The following IMPA1 variants were observed in gnomAD, a reference collection of about 807,000 sequenced individuals.
IMPA1 encodes the protein D-galactose 1-phosphate phosphatase.
In IMPA1, 21 loss-of-function variants were observed where a neutral mutation model predicts 34.9. The ratio of observed to expected loss-of-function variants is 0.60; its 90% CI spans 0.43 to 0.87. The LOEUF is 0.87. IMPA1 is among the 40% of genes least tolerant of loss of function. The pLI is 0.00. For synonymous variants in IMPA1, 95 were observed against 104.4 expected (o/e 0.91, Z 0.55); for missense variants, 299 against 336.4 (o/e 0.89, Z 0.87).
At chr8:81,664,240 T>A (rs1806756871) in intron 7 of IMPA1, among the ~76,000 whole-genome samples, 1 of 152,030 alleles carries the variant, frequency 6.6e-6, no homozygotes, top group African/African-American at 2.4e-5. Context: ...ATTTTGAAAC[T>A]CCCTGTATAC....
chr8:81,685,805 T>A, intron 1 of IMPA1: 1 of 1,545,170 alleles, frequency 6.5e-7, no homozygotes, highest in Non-Finnish European at 8.7e-7. Flanking sequence ...TGTTTCCTGC[T>A]GTTTCTGTCC....
At chr8:81,675,081 C>A (rs1298770402) in intron 5 of IMPA1, among the ~76,000 whole-genome samples, 1 of 152,184 alleles carries the variant, frequency 6.6e-6, no homozygotes, top group African/African-American at 2.4e-5. Flanking sequence ...ACTAAATTTT[C>A]TTGCATGGAC....
chr8:81,675,255 C>CA (rs1807099885), intron 5 of IMPA1, among the ~76,000 whole-genome samples: 3 of 151,100 alleles, frequency 2.0e-5, no homozygotes, highest in African/African-American at 4.9e-5. Flanking sequence ...ACCACCCCCC[C>CA]ACCCCCGCCA....
Position 81,679,166 on chromosome 8 carries a change from T to C in IMPA1, c.262A>G (p.Ile88Val), listed in dbSNP as rs190992389. Residue 88 changes from isoleucine to valine, a missense_variant, in exon 4 of 9, where the codon ATC becomes GTC. Coordinates refer to ENST00000256108, the MANE Select transcript of IMPA1 (RefSeq NM_005536.4). ...GTTGTTCCATCAATAGGGTCAATGATCCATGTGGGGTTGTCGGTTAAGATA... is the reference window on the plus strand; with the variant it reads ...GTTGTTCCATCAATAGGGTCAATGACCCATGTGGGGTTGTCGGTTAAGATA... ...KSILTDNPTW[I>V]IDPIDGTTNF... The C allele has an allele frequency of 1.5e-4, 250 of 1,613,938 alleles. No homozygotes were observed. Among genetic ancestry groups the C allele is most frequent in the Non-Finnish European group, 2.1e-4 (245 of 1,179,802 alleles).
At chr8:81,665,097 A>G (rs996736101) in intron 7 of IMPA1, among the ~76,000 whole-genome samples, 1 of 152,166 alleles carries the variant, frequency 6.6e-6, no homozygotes, top group Non-Finnish European at 1.5e-5. Flanking sequence ...CATTCACACA[A>G]AACTACTGCA....
intron 4 of IMPA1, among the ~76,000 whole-genome samples, chr8:81,677,645 GA>G (rs1441076252): frequency 5.9e-5 from 9 of 152,210 alleles, no homozygotes; most frequent in African/African-American, 1.9e-4. Flanking sequence ...TAAAGCTGTT[GA>G]AAATAAAAAC....
chr8:81,670,855 C>T (rs140217412), intron 7 of IMPA1, 84 bp downstream of exon 7: 2 of 645,078 alleles, frequency 3.1e-6, no homozygotes, highest in Non-Finnish European at 5.3e-6. Context: ...ATAATTTACT[C>T]TAAAATGGTA....
At chr8:81,663,894 C>G (rs1223176740) in intron 7 of IMPA1, among the ~76,000 whole-genome samples, 1 of 152,000 alleles carries the variant, frequency 6.6e-6, no homozygotes, top group Non-Finnish European at 1.5e-5. Flanking sequence ...AAAAAATTAG[C>G]CAGGCGTGGT....
chr8:81,679,337 G>C, intron 3 of IMPA1, 107 bp from the exon 4 acceptor site: 1 of 768,492 alleles, frequency 1.3e-6, no homozygotes, highest in Non-Finnish European at 2.2e-6. Context: ...TAGCAGGCGA[G>C]GTGTGGAGGT....
intron 1 of IMPA1, among the ~76,000 whole-genome samples, chr8:81,684,097 C>CTA (rs34432369): frequency 0.16 from 22,546 of 137,466 alleles, 2,325 homozygotes; most frequent in East Asian, 0.56. Context: ...TGGATGCAAA[C>CTA]TATATATATA....
chr8:81,674,393 A>G (rs556126491), intron 5 of IMPA1: 15 of 177,770 alleles, frequency 8.4e-5, no homozygotes, highest in Non-Finnish European at 1.7e-4. Flanking sequence ...TTTTCCCTTC[A>G]CTGCCAATGA....
At chr8:81,661,156 T>C (rs10096714) in intron 7 of IMPA1, among the ~76,000 whole-genome samples, 16,896 of 152,190 alleles carry the variant, frequency 0.11, 985 homozygotes, top group Middle Eastern at 0.16. Flanking sequence ...AAGCCTGCCT[T>C]GGAAAATTAC....
At position 81,657,357 on chromosome 8, in the gene IMPA1, C is replaced by G. The variant is rs1224852986; in HGVS notation, c.*1994G>C. Among the ~76,000 whole-genome samples the G allele has an allele frequency of 2.6e-5, 4 of 151,306 alleles. No individual in the cohort carries two copies. Among genetic ancestry groups the G allele is most frequent in the African/African-American group, 9.7e-5 (4 of 41,140 alleles). On this transcript the variant is annotated 3_prime_UTR_variant, in exon 9 of 9. Transcript: ENST00000256108. ...ATCCCAGCACTTTAGAAGGCTGAGG[C>G]AGGAGGATCACTTGAGCCCAATGAG... is the stretch of plus-strand genomic sequence containing the variant.
At chr8:81,666,308 A>G (rs140302804) in intron 7 of IMPA1, among the ~76,000 whole-genome samples, 19 of 152,342 alleles carry the variant, frequency 1.2e-4, no homozygotes, top group African/African-American at 4.6e-4. Context: ...ATTTTAAAAG[A>G]GGCAGAGAAG....
At chr8:81,660,760 A>C in intron 7 of IMPA1, 93 bp from the exon 8 acceptor site, 1 of 959,700 alleles carries the variant, frequency 1.0e-6, no homozygotes, top group Non-Finnish European at 1.5e-6. Context: ...CGATTGAAGA[A>C]ACTTGGAACG....
In IMPA1 at chr8:81,684,608, TAGTATATATATACTACACATA is replaced by T. The variant is rs1455532956; in HGVS notation, c.-25+1623_-25+1643del. ...ATAAGTATCTTTAGATATATATATC[TAGTATATATATACTACACATA>T]AGTATATATACTACACATAAGTATA... On this transcript the variant is annotated intron_variant, in intron 1 of 8. Transcript: ENST00000256108. Among the ~76,000 whole-genome samples the T allele has an allele frequency of 2.3e-3, 177 of 77,140 alleles. 5 individuals are homozygous for T. The highest frequency in any genetic ancestry group is 8.2e-3 in the African/African-American group (164 of 20,068). The allele number at this position is 77,140 out of a possible 152,430, so 50.6% of individuals were successfully genotyped here. A position where few individuals can be genotyped will look rare whatever the true frequency, so the allele number is the denominator to read the frequency against.
chr8:81,669,343 A>G lies in IMPA1; in HGVS notation c.566+1596T>C, dbSNP rs570915355. On this transcript the variant is annotated intron_variant, in intron 7 of 8. Transcript: ENST00000256108. ...TGGAAAGCTTCAGGCACTGGACTCC[A>G]ACCCATGCCAGTAGCCATATGGGCT... 8.7e-4 allele frequency among the ~76,000 whole-genome samples: 132 copies of G among 152,340 alleles called. 1 individual carries two copies. Among genetic ancestry groups the G allele is most frequent in the African/African-American group, 3.1e-3 (128 of 41,572 alleles).
At chr8:81,676,633 T>C (rs1419147653) in intron 4 of IMPA1, among the ~76,000 whole-genome samples, 1 of 152,192 alleles carries the variant, frequency 6.6e-6, no homozygotes, top group Non-Finnish European at 1.5e-5. Context: ...GAAGGGCATT[T>C]TGCACTGCGT....
chr8:81,676,355 T>C (rs752972236), intron 4 of IMPA1, 76 bp from the exon 5 acceptor site: 2 of 689,774 alleles, frequency 2.9e-6, no homozygotes, highest in Non-Finnish European at 4.5e-6. Flanking sequence ...CTTTTCATAA[T>C]ATAAGTGTTC....
Sources: allele counts gnomAD v4.1 joint callset (sites outside exome capture counted in the v4.1 genomes callset), GRCh38; gene constraint gnomAD v4.1.1; transcripts MANE v1.5; gene names NCBI Gene and HGNC (gene_info 2026-07-23, HGNC 2026-07-21).